DYNLL1: variants seen among roughly 807,000 people sequenced by gnomAD.
DYNLL1 encodes dynein light chain LC8-type 1.
DYNLL1 carries 3 observed loss-of-function variants against 10.1 expected under a neutral mutation model. That is an observed-to-expected ratio of 0.30 (90% CI 0.14 to 0.77). The LOEUF (loss-of-function observed/expected upper bound fraction) is 0.77, where lower values mean the gene tolerates loss of function less well. Among genes scored for constraint, DYNLL1 ranks in the 30% least tolerant of loss-of-function variants. DYNLL1 has a pLI of 0.66. For synonymous variants in DYNLL1, 46 were observed against 41.2 expected (o/e 1.12, Z -0.45); for missense variants, 47 against 111.7 (o/e 0.42, Z 2.61).
At chr12:120,485,024 G>A (rs1878961149) in intron 1 of DYNLL1, among the ~76,000 whole-genome samples, 2 of 152,052 alleles carry the variant, frequency 1.3e-5, no homozygotes, top group South Asian at 2.1e-4. Context: ...ACAGGCGTGA[G>A]CCACCGCCCC....
intron 2 of DYNLL1, chr12:120,496,798 A>C: frequency 1.6e-6 from 1 of 614,000 alleles, no homozygotes; most frequent in Non-Finnish European, 2.8e-6. Context: ...GCCACCTAGC[A>C]ACGGTATCTA....
chr12:120,470,579 C>T (rs1878625211), intron 1 of DYNLL1, among the ~76,000 whole-genome samples: 1 of 152,266 alleles, frequency 6.6e-6, no homozygotes, highest in East Asian at 1.9e-4. Context: ...GTGATCCTCC[C>T]ACCTCGGGGC....
intron 1 of DYNLL1, among the ~76,000 whole-genome samples, chr12:120,480,764 CT>C (rs770507117): frequency 0.058 from 8,207 of 141,236 alleles, 606 homozygotes; most frequent in African/African-American, 0.2. Flanking sequence ...AAGCATTTTT[CT>C]TTTTTTTTTT....
intron 1 of DYNLL1, among the ~76,000 whole-genome samples, chr12:120,487,893 A>T (rs1204023059): frequency 6.6e-6 from 1 of 152,134 alleles, no homozygotes. Context: ...AGAGAATAGG[A>T]ATCTATAAAC....
At chr12:120,487,682 G>C (rs1476061437) in intron 1 of DYNLL1, among the ~76,000 whole-genome samples, 1 of 152,106 alleles carries the variant, frequency 6.6e-6, no homozygotes, top group Non-Finnish European at 1.5e-5. Context: ...TGAAAGCAGG[G>C]ATATAGAGGC....
At position 120,487,742 on chromosome 12, in the gene DYNLL1, C is replaced by T. The variant is rs527833733; in HGVS notation, c.-6-8674C>T. On this transcript the variant is annotated intron_variant, in intron 1 of 2. Transcript: ENST00000392509. ...ACCGTTGCCAAGCAACCCAGATGTC[C>T]GTTATCTAGGTTTGCCCAGGCACAG... Among the ~76,000 whole-genome samples, 5 of 152,218 alleles carry T rather than the reference C, an allele frequency of 3.3e-5. No individual in the cohort carries two copies. In the East Asian group the frequency reaches 9.7e-4, roughly 29 times the overall value.
chr12:120,493,681 G>A (rs1355844953), upstream of DYNLL1: 5 of 150,520 alleles, frequency 3.3e-5, no homozygotes, highest in Non-Finnish European at 7.4e-5. Flanking sequence ...GTGCGATCTC[G>A]GCTCACTGCA....
chr12:120,485,839 T>TGA (rs1878981748), intron 1 of DYNLL1, among the ~76,000 whole-genome samples: 1 of 76,246 alleles, frequency 1.3e-5, no homozygotes, highest in Admixed American at 1.7e-4. Context: ...AGTCCCTGTC[T>TGA]AAAAAAAAAA....
At chr12:120,485,824 G>A (rs915654218) in intron 1 of DYNLL1, among the ~76,000 whole-genome samples, 2 of 124,702 alleles carry the variant, frequency 1.6e-5, no homozygotes, top group East Asian at 4.8e-4. Flanking sequence ...CTATTTGACA[G>A]AGTAAGTCCC....
intron 1 of DYNLL1, among the ~76,000 whole-genome samples, chr12:120,488,896 A>G (rs1168959606): frequency 6.6e-6 from 1 of 152,110 alleles, no homozygotes; most frequent in African/African-American, 2.4e-5. Context: ...CTGGGCAACA[A>G]GAACGAAACT....
At chr12:120,479,108 G>A (rs1245081368) in intron 1 of DYNLL1, among the ~76,000 whole-genome samples, 13 of 149,044 alleles carry the variant, frequency 8.7e-5, no homozygotes, top group African/African-American at 2.5e-4. Context: ...AGGTTGCAGC[G>A]AGTCGAGAAC....
At chr12:120,489,085 G>A (rs563760370) in intron 1 of DYNLL1, among the ~76,000 whole-genome samples, 9 of 152,132 alleles carry the variant, frequency 5.9e-5, no homozygotes, top group Non-Finnish European at 5.9e-5. Flanking sequence ...ACCTAGCTCC[G>A]GGCCTGGCCC....
chr12:120,498,365 A>C lies in DYNLL1; in HGVS notation c.*155A>C. On this transcript the variant is annotated 3_prime_UTR_variant, in exon 3 of 3. Coordinates refer to ENST00000242577, the MANE Select transcript of DYNLL1 (RefSeq NM_003746.3). Reference sequence around the variant, plus strand: ...TTTTGTACAGGGCATTCTCTGTACTAGTTTGTCGTGGTTATAAAACAATTA... The same window carrying C: ...TTTTGTACAGGGCATTCTCTGTACTCGTTTGTCGTGGTTATAAAACAATTA... 1 of 843,466 alleles carries C rather than the reference A, an allele frequency of 1.2e-6. No homozygotes were observed. Among genetic ancestry groups the C allele is most frequent in the Non-Finnish European group, 1.7e-6 (1 of 583,760 alleles). The allele number at this position is 843,466 out of a possible 1,614,324, so 52.2% of individuals were successfully genotyped here. A position where few individuals can be genotyped will look rare whatever the true frequency, so the allele number is the denominator to read the frequency against.
chr12:120,486,882 G>A (rs190241192), intron 1 of DYNLL1, among the ~76,000 whole-genome samples: 1 of 152,068 alleles, frequency 6.6e-6, no homozygotes, highest in Non-Finnish European at 1.5e-5. Context: ...CACTTCAGTG[G>A]CCCTCTGATC....
chr12:120,470,147 C>T (rs1371971060), intron 1 of DYNLL1: 1 of 152,532 alleles, frequency 6.6e-6, no homozygotes, highest in African/African-American at 2.4e-5. Context: ...TTTACAGTTG[C>T]TCAGAACTGA....
intron 1 of DYNLL1, among the ~76,000 whole-genome samples, chr12:120,470,776 G>A (rs900339862): frequency 1.3e-5 from 2 of 152,182 alleles, no homozygotes; most frequent in East Asian, 2.0e-4. Context: ...TGGGTGCGGT[G>A]GCTCACGCCT....
chr12:120,491,482 C>T (rs955290919), upstream of DYNLL1: 2 of 152,332 alleles, frequency 1.3e-5, no homozygotes, highest in Non-Finnish European at 2.9e-5. Flanking sequence ...GGTCACCTCA[C>T]ACTTCCTTTC....
intron 2 of DYNLL1, 29 bp downstream of exon 2, chr12:120,496,582 A>T (rs1417147168): frequency 6.2e-7 from 1 of 1,613,830 alleles, no homozygotes; most frequent in Admixed American, 1.7e-5. Flanking sequence ...GCCGATACGC[A>T]GCCGGGAGCA....
At chr12:120,496,280 C>A (rs753590933) in intron 1 of DYNLL1, 64 bp downstream of exon 1, 19 of 1,322,614 alleles carry the variant, frequency 1.4e-5, no homozygotes, top group Admixed American at 2.3e-5. Flanking sequence ...CCGGACTTAG[C>A]CCTCCGCGTA....
Sources: gnomAD v4.1 joint callset for allele counts (sites outside exome capture counted in the v4.1 genomes callset) on GRCh38, gnomAD v4.1.1 for gene constraint, MANE v1.5 for transcripts, NCBI Gene and HGNC (gene_info 2026-07-23, HGNC 2026-07-21) for gene names.